ASTN1: variants seen among roughly 807,000 people sequenced by gnomAD.
ASTN1 encodes astrotactin-1.
Under a neutral mutation model 140.7 loss-of-function variants are expected in ASTN1, and 41 were observed. The ratio of observed to expected loss-of-function variants is 0.29; its 90% confidence interval spans 0.23 to 0.38. The LOEUF (loss-of-function observed/expected upper bound fraction) is 0.38. Ranked by LOEUF, ASTN1 falls within the 10% of genes least tolerant of loss-of-function variation. The pLI is 1.00. For synonymous variants in ASTN1, 640 were observed against 652.2 expected, an observed-to-expected ratio of 0.98 and a Z score of 0.29; for missense variants, 1,479 against 1,678.8, an observed-to-expected ratio of 0.88 and a Z score of 2.08.
intron 1 of ASTN1, among the ~76,000 whole-genome samples, chr1:177,114,498 T>C (rs1004443927): frequency 2.6e-5 from 4 of 152,114 alleles, no homozygotes; most frequent in Admixed American, 6.6e-5. Flanking sequence ...TTATAAAAAG[T>C]AATGTAGAAT....
intron 12 of ASTN1, among the ~76,000 whole-genome samples, chr1:176,947,238 T>C (rs1671997831): frequency 6.6e-6 from 1 of 152,238 alleles, no homozygotes; most frequent in Non-Finnish European, 1.5e-5. Context: ...GTTGAGAAGA[T>C]TGAGAGACTG....
At chr1:176,925,642 T>C (rs1473095597) in intron 16 of ASTN1, among the ~76,000 whole-genome samples, 1 of 152,040 alleles carries the variant, frequency 6.6e-6, no homozygotes, top group African/African-American at 2.4e-5. Flanking sequence ...CTACCCAGGG[T>C]TGATTTCTGG....
At chr1:176,892,461 C>G (rs1385456425) in intron 17 of ASTN1, among the ~76,000 whole-genome samples, 8 of 152,102 alleles carry the variant, frequency 5.3e-5, no homozygotes, top group Admixed American at 5.2e-4. Context: ...GGAAGTGGCC[C>G]TAGTCTCCAG....
At chr1:176,987,277 G>C (rs963436312) in intron 8 of ASTN1, among the ~76,000 whole-genome samples, 2 of 152,158 alleles carry the variant, frequency 1.3e-5, no homozygotes, top group Non-Finnish European at 2.9e-5. Context: ...ACATAACTCT[G>C]CTGCTGTAGC....
chr1:176,906,272 A>G (rs11584258), intron 16 of ASTN1, among the ~76,000 whole-genome samples: 23,800 of 152,238 alleles, frequency 0.16, 2,484 homozygotes, highest in Middle Eastern at 0.26. Flanking sequence ...GGGTTGTCAC[A>G]TGGAGACAGG....
intron 16 of ASTN1, among the ~76,000 whole-genome samples, chr1:176,929,436 A>G (rs1189163236): frequency 6.6e-6 from 1 of 152,206 alleles, no homozygotes; most frequent in African/African-American, 2.4e-5. Context: ...TGGCCTCTAG[A>G]AGCTGGAAAG....
At chr1:177,110,845 C>T (rs1055593400) in intron 1 of ASTN1, among the ~76,000 whole-genome samples, 3 of 152,198 alleles carry the variant, frequency 2.0e-5, no homozygotes, top group Non-Finnish European at 4.4e-5. Flanking sequence ...GTGAAAAGTC[C>T]TCCAATTTCA....
chr1:177,108,499 G>C (rs567899353), intron 1 of ASTN1, among the ~76,000 whole-genome samples: 3 of 152,124 alleles, frequency 2.0e-5, no homozygotes, highest in Non-Finnish European at 4.4e-5. Flanking sequence ...TGTCTTCAAG[G>C]TTTCTCCATA....
At chr1:176,983,688 G>A (rs1214690357) in intron 8 of ASTN1, among the ~76,000 whole-genome samples, 2 of 152,154 alleles carry the variant, frequency 1.3e-5, no homozygotes, top group Non-Finnish European at 2.9e-5. Context: ...ATGTTTCCTT[G>A]CGTGGGCCAT....
At chr1:177,018,678 G>C (rs1235576789) in intron 7 of ASTN1, among the ~76,000 whole-genome samples, 1 of 152,190 alleles carries the variant, frequency 6.6e-6, no homozygotes, top group East Asian at 1.9e-4. Flanking sequence ...AATAAAGCAG[G>C]TGTGTGAAGC....
chr1:176,858,758 C>G (rs1462304927), downstream of ASTN1, among the ~76,000 whole-genome samples: 1 of 152,150 alleles, frequency 6.6e-6, no homozygotes, highest in Non-Finnish European at 1.5e-5. Context: ...TGGCCAACCA[C>G]ACTCTCTCTT....
intron 18 of ASTN1, among the ~76,000 whole-genome samples, chr1:176,884,844 T>C (rs183708952): frequency 6.6e-6 from 1 of 152,316 alleles, no homozygotes; most frequent in African/African-American, 2.4e-5. Flanking sequence ...TTCTAGATTT[T>C]CTCTTGAAAA....
At chr1:177,139,171 T>TA (rs111811132) in intron 1 of ASTN1, among the ~76,000 whole-genome samples, 1 of 151,832 alleles carries the variant, frequency 6.6e-6, no homozygotes, top group Non-Finnish European at 1.5e-5. Context: ...ACAAGGGTGC[T>TA]AAAAAAAAGA....
At chr1:176,909,639 G>A (rs1028390633) in intron 16 of ASTN1, among the ~76,000 whole-genome samples, 2 of 152,274 alleles carry the variant, frequency 1.3e-5, no homozygotes, top group Admixed American at 6.5e-5. Flanking sequence ...GATGGTGCTC[G>A]CATGGGGTGA....
chr1:177,072,331 T>C (rs1272401363), intron 1 of ASTN1, among the ~76,000 whole-genome samples: 1 of 152,184 alleles, frequency 6.6e-6, no homozygotes, highest in Non-Finnish European at 1.5e-5. Flanking sequence ...GTGATTTCAT[T>C]GTGACAGACT....
chr1:176,940,729 T>C (rs1671679715), intron 14 of ASTN1, among the ~76,000 whole-genome samples: 1 of 152,334 alleles, frequency 6.6e-6, no homozygotes, highest in Non-Finnish European at 1.5e-5. Flanking sequence ...GTTATTTTGA[T>C]GAAGAGGGAA....
chr1:176,949,340 T>C lies in ASTN1; in HGVS notation c.1899A>G (p.Gly633=). ...CAGAGCTGTCCTTCATGGGACTGAGTCCAGATGGGCACTGGCACAATCAGA... is the reference window on the plus strand; with the variant it reads ...CAGAGCTGTCCTTCATGGGACTGAGCCCAGATGGGCACTGGCACAATCAGA... The part of the protein sequence containing the change: ...LDSTGCVCPS[G]LSPMKDSSGC... The change falls in exon 12 of 23, where the codon GGA becomes GGG. Residue 633 remains glycine (G), a synonymous_variant. Transcript: ENST00000361833. The C allele has an allele frequency of 6.2e-7, 1 of 1,613,650 alleles. No homozygotes were observed. Among genetic ancestry groups the C allele is most frequent in the Non-Finnish European group, 8.5e-7 (1 of 1,179,818 alleles).
intron 1 of ASTN1, among the ~76,000 whole-genome samples, chr1:177,104,485 T>C (rs6661056): frequency 0.057 from 8,656 of 152,296 alleles, 276 homozygotes; most frequent in Admixed American, 0.069. Flanking sequence ...GGACCACATG[T>C]GTTTGTGCTG....
intron 1 of ASTN1, among the ~76,000 whole-genome samples, chr1:177,155,596 A>G (rs1465507814): frequency 6.6e-6 from 1 of 152,220 alleles, no homozygotes; most frequent in Non-Finnish European, 1.5e-5. Context: ...CAATTCCAAT[A>G]CTGTAATAAA....
Sources: gnomAD v4.1 joint callset for allele counts (sites outside exome capture counted in the v4.1 genomes callset) on GRCh38, gnomAD v4.1.1 for gene constraint, MANE v1.5 for transcripts, NCBI Gene and HGNC (gene_info 2026-07-23, HGNC 2026-07-21) for gene names.